Variants in R3HDM2 observed in about 807,000 individuals in gnomAD.
R3HDM2 encodes the protein R3H domain containing 2.
A neutral mutation model predicts 124.5 loss-of-function variants in R3HDM2; 38 were observed. That is an observed-to-expected ratio of 0.31 (90% CI 0.24 to 0.40). The LOEUF is 0.40. Ranked by LOEUF, R3HDM2 falls within the 10% of genes least tolerant of loss-of-function variation. The probability of loss-of-function intolerance (pLI) is 1.00; values close to 1 mark genes in which losing one functional copy is unlikely to be tolerated. For missense variants in R3HDM2, 869 were observed against 1,236.9 expected, an observed-to-expected ratio of 0.70 and a Z score of 4.46; for synonymous variants, 391 against 448.0, an observed-to-expected ratio of 0.87 and a Z score of 1.61.
intron 1 of R3HDM2, among the ~76,000 whole-genome samples, chr12:57,427,063 C>A (rs894886728): frequency 1.3e-5 from 2 of 152,130 alleles, no homozygotes; most frequent in African/African-American, 4.8e-5. Flanking sequence ...GAGGCCGAGG[C>A]AGGAGGATCA....
intron 2 of R3HDM2, among the ~76,000 whole-genome samples, chr12:57,375,378 A>G (rs954899109): frequency 6.6e-6 from 1 of 152,194 alleles, no homozygotes; most frequent in Non-Finnish European, 1.5e-5. Flanking sequence ...ATCGAAAAAA[A>G]TTCTTGTTCA....
chr12:57,303,047 T>C (rs917488694), intron 4 of R3HDM2, 129 bp downstream of exon 4: 29 of 810,182 alleles, frequency 3.6e-5, no homozygotes, highest in African/African-American at 1.9e-4. Flanking sequence ...AGGTTCACAA[T>C]TGGGGTACAG....
chr12:57,398,675 G>A (rs756449189), intron 1 of R3HDM2, among the ~76,000 whole-genome samples: 4 of 152,040 alleles, frequency 2.6e-5, no homozygotes, highest in South Asian at 2.1e-4. Flanking sequence ...TTTTAGTACC[G>A]ACAAAGTTTC....
intron 1 of R3HDM2, among the ~76,000 whole-genome samples, chr12:57,413,416 C>A (rs1158390272): frequency 7.2e-6 from 1 of 139,676 alleles, no homozygotes. Flanking sequence ...CAATATAGTG[C>A]AACCTTCTAT....
chr12:57,301,108 AACC>A (rs2051031672), intron 4 of R3HDM2, among the ~76,000 whole-genome samples: 1 of 152,012 alleles, frequency 6.6e-6, no homozygotes, highest in Non-Finnish European at 1.5e-5. Flanking sequence ...TATCTCAAAA[AACC>A]AAAAAACAAA....
Position 57,254,181 on chromosome 12 carries a change from A to T in R3HDM2, c.*592T>A, listed in dbSNP as rs932609637. ...AAAAATGAGAAATTAATTTTATGAT[A>T]GGAGAAGAGATTTAAAAAAATGATA... is the stretch of plus-strand genomic sequence containing the variant. On this transcript the variant is annotated 3_prime_UTR_variant, in exon 24 of 24. Coordinates refer to ENST00000402412, the MANE Select transcript of R3HDM2 (RefSeq NM_001394031.1). The T allele has an allele frequency of 2.2e-6, 1 of 456,188 alleles. No homozygotes were observed. The highest frequency in any genetic ancestry group is 2.0e-5 in the African/African-American group (1 of 50,036). 28.3% of individuals were successfully genotyped at this position (456,188 alleles called of 1,614,324 possible). A position where few individuals can be genotyped will look rare whatever the true frequency, so the allele number is the denominator to read the frequency against.
chr12:57,373,779 C>T (rs1203984815), intron 2 of R3HDM2, among the ~76,000 whole-genome samples: 2 of 151,644 alleles, frequency 1.3e-5, no homozygotes, highest in Non-Finnish European at 2.9e-5. Context: ...CACCATTGCA[C>T]TCCAGTCTGG....
intron 2 of R3HDM2, among the ~76,000 whole-genome samples, chr12:57,349,722 G>A (rs1284726601): frequency 5.3e-5 from 8 of 151,626 alleles, no homozygotes; most frequent in Non-Finnish European, 7.4e-5. Flanking sequence ...CACCACGCCC[G>A]GCTAATTTTC....
intron 2 of R3HDM2, among the ~76,000 whole-genome samples, chr12:57,352,220 C>T (rs117929674): frequency 0.03 from 3,329 of 111,128 alleles, 62 homozygotes; most frequent in Middle Eastern, 0.042. Context: ...CCAGCCTGGG[C>T]AACACAGCAA....
intron 2 of R3HDM2, among the ~76,000 whole-genome samples, chr12:57,383,189 G>A (rs1273143045): frequency 2.0e-5 from 3 of 152,006 alleles, no homozygotes; most frequent in Admixed American, 6.5e-5. Flanking sequence ...ATGTGGTGGT[G>A]CATGCCTGTA....
intron 1 of R3HDM2, among the ~76,000 whole-genome samples, chr12:57,410,219 AC>A (rs2068882492): frequency 6.6e-6 from 1 of 151,762 alleles, no homozygotes; most frequent in African/African-American, 2.4e-5. Flanking sequence ...GAATTACTCA[AC>A]ATAACCATTC....
At position 57,352,616 on chromosome 12, in the gene R3HDM2, G is replaced by A. The variant is rs148051343; in HGVS notation, c.-35-42153C>T. ...CAGGCAATTCTCCTGTCTCAGCCTC[G>A]TGAGTAGCTGGGACTACAGGTGCGC... On this transcript the variant is annotated intron_variant, in intron 2 of 23. Transcript: ENST00000402412. 1.3e-3 allele frequency among the ~76,000 whole-genome samples: 199 copies of A among 151,080 alleles called. 2 individuals are homozygous for A. Among genetic ancestry groups the A allele is most frequent in the African/African-American group, 4.5e-3 (184 of 41,128 alleles).
chr12:57,280,325 T>G (rs1378655724), intron 14 of R3HDM2, 33 bp downstream of exon 14: 24 of 1,587,878 alleles, frequency 1.5e-5, no homozygotes, highest in Non-Finnish European at 2.0e-5. Context: ...TGAATCAGAG[T>G]GGAGAGGACT....
At chr12:57,260,280 A>AAAAAAAAAAAAAAAAAAAAAAAC (rs2040412196) in intron 19 of R3HDM2, among the ~76,000 whole-genome samples, 1 of 146,762 alleles carries the variant, frequency 6.8e-6, no homozygotes, top group Non-Finnish European at 1.5e-5. Context: ...AAAAAAAAAA[A>AAAAAAAAAAAAAAAAAAAAAAAC]AAAAAGCCTG....
chr12:57,294,408 T>C (rs1034896143), intron 10 of R3HDM2, among the ~76,000 whole-genome samples: 1 of 152,166 alleles, frequency 6.6e-6, no homozygotes, highest in Non-Finnish European at 1.5e-5. Flanking sequence ...TTAAATTTTG[T>C]CTTTTTGTAT....
At chr12:57,275,999 T>C (rs936945914) in intron 14 of R3HDM2, among the ~76,000 whole-genome samples, 6 of 151,984 alleles carry the variant, frequency 3.9e-5, no homozygotes, top group African/African-American at 1.2e-4. Context: ...GGGCGGATCA[T>C]GAGGTCAGAA....
chr12:57,282,365 T>C (rs1351974662), intron 13 of R3HDM2, among the ~76,000 whole-genome samples: 2 of 151,664 alleles, frequency 1.3e-5, no homozygotes, highest in Non-Finnish European at 2.9e-5. Flanking sequence ...TAGACAGCAA[T>C]GGCAAACTGG....
chr12:57,336,824 A>T (rs954490583), intron 2 of R3HDM2, among the ~76,000 whole-genome samples: 10 of 43,532 alleles, frequency 2.3e-4, no homozygotes, highest in South Asian at 9.6e-4. Context: ...TAAAAGTTTA[A>T]AAAAAAAAAA....
intron 2 of R3HDM2, among the ~76,000 whole-genome samples, chr12:57,350,671 T>C (rs958960848): frequency 6.6e-6 from 1 of 152,234 alleles, no homozygotes; most frequent in Admixed American, 6.5e-5. Flanking sequence ...CTACATCAAA[T>C]GTCTAAAGAA....
Sources: gnomAD v4.1 joint callset for allele counts (sites outside exome capture counted in the v4.1 genomes callset) on GRCh38, gnomAD v4.1.1 for gene constraint, MANE v1.5 for transcripts, NCBI Gene and HGNC (gene_info 2026-07-23, HGNC 2026-07-21) for gene names.